Variants in BLM observed in about 807,000 individuals in gnomAD.
The protein encoded by BLM is recQ-like DNA helicase BLM.
BLM carries 95 observed loss-of-function variants against 135.3 expected under a neutral mutation model. The observed-to-expected ratio is 0.70, with a 90% CI of 0.59 to 0.83. The LOEUF is 0.83. Among genes scored for constraint, BLM ranks in the 40% least tolerant of loss-of-function variants. The pLI is 0.00. For synonymous variants in BLM, 520 were observed against 589.2 expected, an observed-to-expected ratio of 0.88 and a Z score of 1.70; for missense variants, 1,518 against 1,663.9, an observed-to-expected ratio of 0.91 and a Z score of 1.53.
chr15:90,733,101 T>TA lies in BLM; in HGVS notation c.-4-14278dup, dbSNP rs201551298. Among the ~76,000 whole-genome samples the TA allele has an allele frequency of 1.9e-3, 285 of 146,976 alleles. 2 individuals carry two copies. Among genetic ancestry groups the TA allele is most frequent in the Middle Eastern group, 0.014 (4 of 284 alleles). On this transcript the variant is annotated intron_variant, in intron 1 of 21. Coordinates refer to ENST00000355112, the MANE Select transcript of BLM (RefSeq NM_000057.4). Reference sequence around the variant, plus strand: ...GAGTGAGACTATGTCTCAAAAAAATTAAAAAAAAAAGATGTGTATCTTGAA... The same window carrying TA: ...GAGTGAGACTATGTCTCAAAAAAATTAAAAAAAAAAAGATGTGTATCTTGAA...
intron 12 of BLM, 74 bp from the exon 13 acceptor site, chr15:90,782,748 A>G (rs1292043741): frequency 1.8e-6 from 2 of 1,130,364 alleles, no homozygotes; most frequent in South Asian, 1.3e-5. Flanking sequence ...TAGGGGGGAC[A>G]CATGTAGTCT....
chr15:90,814,686 C>T (rs1897509859), intron 21 of BLM, among the ~76,000 whole-genome samples: 1 of 152,214 alleles, frequency 6.6e-6, no homozygotes, highest in African/African-American at 2.4e-5. Flanking sequence ...CCAGTCATTC[C>T]GGGGTGCCTG....
intron 1 of BLM, among the ~76,000 whole-genome samples, chr15:90,724,384 C>G (rs1199925761): frequency 6.6e-6 from 1 of 152,162 alleles, no homozygotes; most frequent in East Asian, 1.9e-4. Flanking sequence ...TCCATTTCCT[C>G]TCTACTCTGT....
intron 5 of BLM, among the ~76,000 whole-genome samples, chr15:90,758,216 G>A (rs764260686): frequency 3.3e-5 from 5 of 151,914 alleles, no homozygotes; most frequent in Non-Finnish European, 7.4e-5. Flanking sequence ...GGGCTGGCAC[G>A]GTGGCTCACG....
At chr15:90,731,235 G>A (rs778974451) in intron 1 of BLM, among the ~76,000 whole-genome samples, 1 of 152,238 alleles carries the variant, frequency 6.6e-6, no homozygotes, top group South Asian at 2.1e-4. Flanking sequence ...CATCATGCCC[G>A]TGGCTCTTGG....
intron 17 of BLM, among the ~76,000 whole-genome samples, chr15:90,801,489 A>G (rs1013689463): frequency 2.0e-5 from 3 of 152,210 alleles, no homozygotes; most frequent in Non-Finnish European, 4.4e-5. Context: ...GAAAGTTAGA[A>G]ACATAATTAG....
chr15:90,721,735 A>G (rs1003791293), intron 1 of BLM, among the ~76,000 whole-genome samples: 9 of 151,618 alleles, frequency 5.9e-5, no homozygotes, highest in African/African-American at 1.9e-4. Flanking sequence ...GTTCGAGACC[A>G]GTGTGGCCAA....
chr15:90,769,692 AC>A, intron 12 of BLM, 106 bp downstream of exon 12: 3 of 1,216,362 alleles, frequency 2.5e-6, no homozygotes, highest in Non-Finnish European at 3.3e-6. Flanking sequence ...CCCCACCCCC[AC>A]CCCACCCCCA....
At chr15:90,735,697 AT>A (rs953094695) in intron 1 of BLM, among the ~76,000 whole-genome samples, 1 of 151,984 alleles carries the variant, frequency 6.6e-6, no homozygotes, top group Non-Finnish European at 1.5e-5. Context: ...CAGAAATCTA[AT>A]TTTTTTTAAA....
At chr15:90,754,401 A>G (rs28385004) in intron 4 of BLM, among the ~76,000 whole-genome samples, 1 of 152,378 alleles carries the variant, frequency 6.6e-6, no homozygotes, top group East Asian at 1.9e-4. Context: ...AAAAAGAGAC[A>G]TTAATAATCA....
At chr15:90,806,371 C>T (rs770424963) in intron 19 of BLM, among the ~76,000 whole-genome samples, 19 of 151,992 alleles carry the variant, frequency 1.3e-4, no homozygotes, top group Non-Finnish European at 2.1e-4. Context: ...ATTAGCCAGG[C>T]GTGGTGGCGG....
At chr15:90,789,042 GAT>G (rs10598894) in intron 14 of BLM, among the ~76,000 whole-genome samples, 64,312 of 145,992 alleles carry the variant, frequency 0.44, 14,458 homozygotes, top group Admixed American at 0.57. Flanking sequence ...CTACAATGGA[GAT>G]ATATATATAT....
At position 90,751,797 on chromosome 15, in the gene BLM, A is replaced by G. The variant is rs1596220978; in HGVS notation, c.810A>G (p.Glu270=). Residue 270 remains glutamate (E), a synonymous_variant, in exon 4 of 22, where the codon GAA becomes GAG. Coordinates refer to ENST00000355112, the MANE Select transcript of BLM (RefSeq NM_000057.4). ...THLEDERDNS[E]KKKNLEEAEL... ...ACTGTTTTACTGTAGATAATAGCGA[A>G]AAGAAGAAGAATTTGGAAGAAGCTG... is the stretch of plus-strand genomic sequence containing the variant. 1.2e-6 allele frequency: 2 copies of G among 1,612,122 alleles called. No homozygotes were observed. Among genetic ancestry groups the G allele is most frequent in the African/African-American group, 2.7e-5 (2 of 75,018 alleles).
At chr15:90,803,375 A>G (rs1897207651) in intron 17 of BLM, 146 bp from the exon 18 acceptor site, 9 of 657,648 alleles carry the variant, frequency 1.4e-5, no homozygotes, top group Non-Finnish European at 2.1e-5. Context: ...AAATACTCTC[A>G]TTTAACAGAA....
chr15:90,760,076 C>T (rs2151156916), intron 5 of BLM, 71 bp from the exon 6 acceptor site: 1 of 1,439,030 alleles, frequency 6.9e-7, no homozygotes, highest in Admixed American at 1.9e-5. Context: ...CAGTCATGAG[C>T]CACCATGCCT....
At chr15:90,769,654 A>G in intron 12 of BLM, 68 bp downstream of exon 12, 1 of 1,549,970 alleles carries the variant, frequency 6.5e-7, no homozygotes, top group Non-Finnish European at 8.8e-7. Flanking sequence ...TACATGTTAG[A>G]ATCACCTGTG....
chr15:90,810,098 A>G (rs1897375827), intron 20 of BLM, among the ~76,000 whole-genome samples: 2 of 145,512 alleles, frequency 1.4e-5, no homozygotes, highest in South Asian at 4.5e-4. Flanking sequence ...ACAGAGTCTC[A>G]CTCCAGGCTG....
chr15:90,787,822 C>T (rs1178521936), intron 14 of BLM, among the ~76,000 whole-genome samples: 1 of 151,984 alleles, frequency 6.6e-6, no homozygotes, highest in Admixed American at 6.6e-5. Context: ...TGGTGATGGG[C>T]ATCTGTAGTC....
intron 14 of BLM, among the ~76,000 whole-genome samples, chr15:90,788,555 A>C (rs535586290): frequency 1.7e-4 from 25 of 149,464 alleles, no homozygotes; most frequent in South Asian, 6.3e-4. Flanking sequence ...AGAATATTCA[A>C]GTGAAAATAA....
Sources: allele counts gnomAD v4.1 joint callset (sites outside exome capture counted in the v4.1 genomes callset), GRCh38; gene constraint gnomAD v4.1.1; transcripts MANE v1.5; gene names NCBI Gene and HGNC (gene_info 2026-07-23, HGNC 2026-07-21).